The following USH2A variants were observed in gnomAD, a reference collection of about 807,000 sequenced individuals.
USH2A encodes the protein usherin.
USH2A carries 443 observed loss-of-function variants against 538.9 expected under a neutral mutation model. The ratio of observed to expected loss-of-function variants is 0.82; its 90% CI spans 0.76 to 0.89. The LOEUF (loss-of-function observed/expected upper bound fraction) is 0.89, where lower values mean the gene tolerates loss of function less well. USH2A is among the 40% of genes least tolerant of loss of function. The pLI is 0.00. For synonymous variants in USH2A, 2,413 were observed against 2,273.5 expected (o/e 1.06, Z -1.75); for missense variants, 6,633 against 6,324.8 (o/e 1.05, Z -1.65).
intron 2 of USH2A, among the ~76,000 whole-genome samples, chr1:216,419,710 G>A (rs986058236): frequency 3.3e-5 from 5 of 152,052 alleles, no homozygotes; most frequent in Admixed American, 3.3e-4. Flanking sequence ...AAAAAATGAT[G>A]AGTTTGTGAT....
In USH2A at chr1:215,897,438, G is replaced by A. The variant is rs551941670; in HGVS notation, c.7594+2637C>T. Among the ~76,000 whole-genome samples the A allele has an allele frequency of 2.9e-4, 44 of 152,234 alleles. No homozygotes were observed. The East Asian group carries it at 8.1e-3, about 28-fold the overall frequency. On this transcript the variant is annotated intron_variant, in intron 40 of 71. Transcript: ENST00000307340. ...GAGGTGGCTCACACCAGTAATCCCA[G>A]CACTTTGGGAGGCTGAGGCGGCTGG... is the stretch of plus-strand genomic sequence containing the variant.
intron 30 of USH2A, among the ~76,000 whole-genome samples, chr1:216,064,927 A>G (rs1308823376): frequency 6.6e-6 from 1 of 152,230 alleles, no homozygotes; most frequent in East Asian, 1.9e-4. Flanking sequence ...TAAAGCAATG[A>G]GACTTTGAAG....
intron 32 of USH2A, among the ~76,000 whole-genome samples, chr1:216,006,659 C>T (rs1232851055): frequency 2.0e-5 from 3 of 152,104 alleles, no homozygotes; most frequent in African/African-American, 7.2e-5. Context: ...TTGTGACTCT[C>T]TTCATTATAT....
chr1:215,830,851 T>C (rs1370635060), intron 47 of USH2A, among the ~76,000 whole-genome samples: 1 of 152,054 alleles, frequency 6.6e-6, no homozygotes, highest in African/African-American at 2.4e-5. Flanking sequence ...TATGAAAAAA[T>C]AGGAACTGAC....
intron 34 of USH2A, among the ~76,000 whole-genome samples, chr1:215,993,960 G>A (rs1013548793): frequency 3.3e-5 from 5 of 152,056 alleles, no homozygotes; most frequent in Non-Finnish European, 7.4e-5. Flanking sequence ...AAACTTACTG[G>A]ACAAGCACTT....
intron 3 of USH2A, among the ~76,000 whole-genome samples, chr1:216,386,748 G>A (rs1348577321): frequency 6.6e-6 from 1 of 150,970 alleles, no homozygotes; most frequent in African/African-American, 2.4e-5. Context: ...CCAGCCACTC[G>A]GGAGGCTGAG....
chr1:216,053,947 C>T (rs2030885090), intron 30 of USH2A, among the ~76,000 whole-genome samples: 1 of 152,076 alleles, frequency 6.6e-6, no homozygotes, highest in Non-Finnish European at 1.5e-5. Flanking sequence ...GTTAAGAGGC[C>T]TACTGCATAT....
chr1:215,888,478 G>C lies in USH2A; in HGVS notation c.8171C>G (p.Pro2724Arg), dbSNP rs775771132. Residue 2724 changes from proline to arginine, a missense_variant, in exon 41 of 72, where the codon CCT becomes CGT. Transcript: ENST00000307340. ...CACCACAGGTGGCTGCACCCCAGCA[G>C]GTCGTGAGGGTCTTGTGGTAACTTC... The part of the protein sequence containing the change: ...WVEVTTRPSR[P>R]AGVQPPVVTV... 4 of 1,613,860 alleles carry C rather than the reference G, an allele frequency of 2.5e-6. No homozygotes were observed. Among genetic ancestry groups the C allele is most frequent in the Non-Finnish European group, 3.4e-6 (4 of 1,180,024 alleles).
At position 215,867,092 on chromosome 1, in the gene USH2A, C is replaced by A. The variant is rs200525258; in HGVS notation, c.8760G>T (p.Thr2920=). ...CTCCTCTCTCTGGAAGACCAGCTAA[C>A]GTTGTCACAGTCACTTCTCGGCTCG... The part of the protein sequence containing the change: ...FTPSREVTVT[T]LAGLPERGAN... The change falls in exon 44 of 72, where the codon ACG becomes ACT. Residue 2920 remains threonine (T), a synonymous_variant. Transcript: ENST00000307340. The A allele has an allele frequency of 5.6e-6, 9 of 1,614,042 alleles. No homozygotes were observed. The African/African-American group carries it at 1.1e-4, about 19-fold the overall frequency.
intron 4 of USH2A, among the ~76,000 whole-genome samples, chr1:216,336,748 C>A (rs188398149): frequency 5.8e-4 from 88 of 151,514 alleles, no homozygotes; most frequent in African/African-American, 1.8e-3. Context: ...ATATCATGCA[C>A]CTTATGTAAA....
rs185267234 is a variant in USH2A, at chr1:216,091,965, G to A, written c.4759-2826C>T. Reference sequence around the variant, plus strand: ...CTAGCACTTTGAGAGGCCAAGGTGGGAGGATTGCTTGAGGCCAGGAGTTCG... The same window carrying A: ...CTAGCACTTTGAGAGGCCAAGGTGGAAGGATTGCTTGAGGCCAGGAGTTCG... On this transcript the variant is annotated intron_variant, in intron 22 of 71. Coordinates refer to ENST00000307340, the MANE Select transcript of USH2A (RefSeq NM_206933.4). Among the ~76,000 whole-genome samples the A allele has an allele frequency of 3.9e-3, 590 of 152,208 alleles. 3 individuals carry two copies. Among genetic ancestry groups the A allele is most frequent in the Non-Finnish European group, 6.6e-3 (449 of 67,992 alleles).
At chr1:215,627,447 TC>T (rs1656088469) in intron 71 of USH2A, among the ~76,000 whole-genome samples, 15 of 132,530 alleles carry the variant, frequency 1.1e-4, no homozygotes, top group African/African-American at 1.6e-4. Context: ...CTTCCTTCCT[TC>T]CTTCCTTCCT....
intron 15 of USH2A, among the ~76,000 whole-genome samples, chr1:216,210,130 C>T (rs1171416587): frequency 6.6e-6 from 1 of 152,016 alleles, no homozygotes; most frequent in African/African-American, 2.4e-5. Flanking sequence ...GCAGGGTTTC[C>T]CCACTCAGTC....
chr1:216,171,959 C>T (rs17026215), intron 21 of USH2A, among the ~76,000 whole-genome samples: 2,054 of 152,008 alleles, frequency 0.014, 42 homozygotes, highest in African/African-American at 0.047. Context: ...TAAAAGAACA[C>T]TTGTATCAGA....
intron 4 of USH2A, among the ~76,000 whole-genome samples, chr1:216,327,873 A>G (rs950826462): frequency 6.6e-5 from 10 of 152,180 alleles, no homozygotes; most frequent in Non-Finnish European, 2.9e-5. Flanking sequence ...ACTTAAGTCA[A>G]AGTGAATACT....
chr1:216,252,727 T>C (rs1050029534), intron 11 of USH2A, among the ~76,000 whole-genome samples: 1 of 152,210 alleles, frequency 6.6e-6, no homozygotes, highest in African/African-American at 2.4e-5. Flanking sequence ...GAACAATGAA[T>C]TGCCTTCTTG....
At chr1:215,963,138 T>C (rs985426599) in intron 37 of USH2A, among the ~76,000 whole-genome samples, 1 of 152,128 alleles carries the variant, frequency 6.6e-6, no homozygotes, top group Non-Finnish European at 1.5e-5. Flanking sequence ...AAATAACCAA[T>C]TAGCCATTAG....
Position 216,117,805 on chromosome 1 carries a change from T to C in USH2A, c.4628-20592A>G, listed in dbSNP as rs369527224. ...ACACACATACACACACAGACACACATATATATATGTATATATATATACACA... is the reference window on the plus strand; with the variant it reads ...ACACACATACACACACAGACACACACATATATATGTATATATATATACACA... On this transcript the variant is annotated intron_variant, in intron 21 of 71. Coordinates refer to ENST00000307340, the MANE Select transcript of USH2A (RefSeq NM_206933.4). Among the ~76,000 whole-genome samples, 21 of 146,788 alleles carry C rather than the reference T, an allele frequency of 1.4e-4. 1 individual carries two copies. Among genetic ancestry groups the C allele is most frequent in the Admixed American group, 4.2e-4 (6 of 14,320 alleles).
intron 9 of USH2A, among the ~76,000 whole-genome samples, chr1:216,303,904 C>T (rs1261047483): frequency 6.6e-6 from 1 of 151,876 alleles, no homozygotes; most frequent in Non-Finnish European, 1.5e-5. Flanking sequence ...TCAATCTTTA[C>T]AGTAAAACTA....
Sources: allele counts gnomAD v4.1 joint callset (sites outside exome capture counted in the v4.1 genomes callset), GRCh38; gene constraint gnomAD v4.1.1; transcripts MANE v1.5; gene names NCBI Gene and HGNC (gene_info 2026-07-23, HGNC 2026-07-21).